HDAC9: variants seen among roughly 807,000 people sequenced by gnomAD.
The protein encoded by HDAC9 is histone deacetylase 9.
Under a neutral mutation model 139.4 loss-of-function variants are expected in HDAC9, and 41 were observed. That is an observed-to-expected ratio of 0.29 (90% CI 0.23 to 0.38). The LOEUF is 0.38. Among genes scored for constraint, HDAC9 ranks in the 10% least tolerant of loss-of-function variants. The probability of loss-of-function intolerance (pLI) is 1.00; values close to 1 mark genes in which losing one functional copy is unlikely to be tolerated. For missense variants in HDAC9, 1,147 were observed against 1,297.0 expected, an observed-to-expected ratio of 0.88 and a Z score of 1.78; for synonymous variants, 517 against 476.2, an observed-to-expected ratio of 1.09 and a Z score of -1.12.
intron 2 of HDAC9, among the ~76,000 whole-genome samples, chr7:18,575,327 C>A (rs993454453): frequency 2.4e-4 from 37 of 152,206 alleles, no homozygotes; most frequent in African/African-American, 8.9e-4. Context: ...TAATTTTTAT[C>A]TTTAAAATGG....
At chr7:18,875,876 C>A (rs1186791685) in intron 22 of HDAC9, among the ~76,000 whole-genome samples, 1 of 152,108 alleles carries the variant, frequency 6.6e-6, no homozygotes, top group Non-Finnish European at 1.5e-5. Context: ...AGAGTTTGTA[C>A]ATCAAGTTGA....
In HDAC9 at chr7:18,709,338, C is replaced by A. The variant is rs561526414; in HGVS notation, c.1732-18242C>A. 5.3e-5 allele frequency among the ~76,000 whole-genome samples: 8 copies of A among 152,218 alleles called. 1 individual carries two copies. The highest frequency in any genetic ancestry group is 1.9e-4 in the African/African-American group (8 of 41,526). ...TGTGTTAGTTTGCTGAGGAGGATGG[C>A]TTCTAGCTTCATCCATGTCCCTGAA... On this transcript the variant is annotated intron_variant, in intron 12 of 25. Transcript: ENST00000686413.
At chr7:18,583,683 G>T (rs1490684449) in intron 2 of HDAC9, among the ~76,000 whole-genome samples, 1 of 152,140 alleles carries the variant, frequency 6.6e-6, no homozygotes, top group African/African-American at 2.4e-5. Flanking sequence ...GAGCCAGGAA[G>T]TTCTAGACTG....
At chr7:18,362,518 T>C (rs548425371) in intron 1 of HDAC9, among the ~76,000 whole-genome samples, 2 of 152,258 alleles carry the variant, frequency 1.3e-5, no homozygotes, top group South Asian at 4.1e-4. Context: ...AGGTATATGG[T>C]ATACAGTTCT....
chr7:18,417,103 C>A (rs1789144194), intron 1 of HDAC9, among the ~76,000 whole-genome samples: 1 of 152,114 alleles, frequency 6.6e-6, no homozygotes, highest in Non-Finnish European at 1.5e-5. Context: ...TATCCCAGGG[C>A]CCACTGACTT....
chr7:18,495,775 G>A lies in HDAC9; in HGVS notation c.-290G>A. ...AAGAGAGGCACAGACACAGATAGGA[G>A]AAGGGCACCGGCTGGAGCCACTTGC... is the stretch of plus-strand genomic sequence containing the variant. On this transcript the variant is annotated 5_prime_UTR_variant, in exon 1 of 26. Coordinates refer to ENST00000686413, the MANE Select transcript of HDAC9 (RefSeq NM_178425.4). 2 of 995,812 alleles carry A rather than the reference G, an allele frequency of 2.0e-6. No homozygotes were observed. Among genetic ancestry groups the A allele is most frequent in the South Asian group, 9.3e-5 (2 of 21,600 alleles). 61.7% of individuals were successfully genotyped at this position (995,812 alleles called of 1,614,324 possible).
At chr7:18,661,816 T>C (rs1450111608) in intron 11 of HDAC9, among the ~76,000 whole-genome samples, 1 of 152,106 alleles carries the variant, frequency 6.6e-6, no homozygotes, top group East Asian at 1.9e-4. Flanking sequence ...GAAGTGTAGA[T>C]GAAGCCAAAG....
intron 11 of HDAC9, among the ~76,000 whole-genome samples, chr7:18,659,592 G>C (rs771832911): frequency 2.6e-5 from 4 of 152,142 alleles, no homozygotes; most frequent in Non-Finnish European, 4.4e-5. Context: ...GGCATGCTTA[G>C]TGTTCGGCCC....
intron 1 of HDAC9, among the ~76,000 whole-genome samples, chr7:18,454,458 A>G (rs1013360146): frequency 7.9e-5 from 12 of 152,038 alleles, no homozygotes; most frequent in Non-Finnish European, 1.5e-4. Context: ...CAGAAAATTT[A>G]AACAAGTTAC....
In HDAC9 at chr7:18,738,757, G is replaced by A. The variant is rs1468836371; in HGVS notation, c.1910-10248G>A. On this transcript the variant is annotated intron_variant, in intron 13 of 25. Coordinates refer to ENST00000686413, the MANE Select transcript of HDAC9 (RefSeq NM_178425.4). ...TGTGTCTTGGGGTTGCACTTCTTGA[G>A]GAATATCTTTGTGGTGTTCTCTGTA... Among the ~76,000 whole-genome samples the A allele has an allele frequency of 2.0e-5, 3 of 152,114 alleles. No homozygotes were observed. The East Asian group carries it at 5.8e-4, about 29-fold the overall frequency.
intron 2 of HDAC9, among the ~76,000 whole-genome samples, chr7:18,250,584 A>G (rs1471030322): frequency 6.6e-6 from 1 of 152,330 alleles, no homozygotes; most frequent in African/African-American, 2.4e-5. Flanking sequence ...CACTTAGCTG[A>G]GAGCCTTACA....
intron 1 of HDAC9, among the ~76,000 whole-genome samples, chr7:18,138,446 T>A (rs1785614271): frequency 6.6e-6 from 1 of 150,662 alleles, no homozygotes; most frequent in African/African-American, 2.4e-5. Context: ...ATGGAGGGAG[T>A]GTGGAATAGA....
At chr7:18,778,078 G>C (rs1277938338) in intron 16 of HDAC9, among the ~76,000 whole-genome samples, 2 of 151,840 alleles carry the variant, frequency 1.3e-5, no homozygotes. Flanking sequence ...AGCAGAGAGG[G>C]CCTGATTCCC....
intron 1 of HDAC9, among the ~76,000 whole-genome samples, chr7:18,306,528 G>T (rs536276403): frequency 7.9e-5 from 12 of 152,134 alleles, no homozygotes; most frequent in Admixed American, 1.3e-4. Context: ...GTTTAATTAA[G>T]ACTGAGTAAT....
rs376212513 is a variant in HDAC9, at chr7:18,685,277, A to G, written c.1731+18801A>G. 4.4e-4 allele frequency among the ~76,000 whole-genome samples: 67 copies of G among 151,540 alleles called. No individual in the cohort carries two copies. In the South Asian group the frequency reaches 5.2e-3, roughly 12 times the overall value. Reference sequence around the variant, plus strand: ...ATCCATTGTGTGTTCTAACTATATCACTCCCTTTTCCACTTACCCATGGGA... The same window carrying G: ...ATCCATTGTGTGTTCTAACTATATCGCTCCCTTTTCCACTTACCCATGGGA... On this transcript the variant is annotated intron_variant, in intron 12 of 25. Coordinates refer to ENST00000686413, the MANE Select transcript of HDAC9 (RefSeq NM_178425.4).
chr7:18,575,650 T>C (rs1221869850), intron 2 of HDAC9, among the ~76,000 whole-genome samples: 1 of 152,242 alleles, frequency 6.6e-6, no homozygotes. Context: ...ACTTACGCAG[T>C]GTTGCCAGAA....
At chr7:18,886,531 G>A (rs1320682817) in intron 22 of HDAC9, among the ~76,000 whole-genome samples, 3 of 152,068 alleles carry the variant, frequency 2.0e-5, no homozygotes, top group Non-Finnish European at 2.9e-5. Context: ...TGAGATTGAG[G>A]CTGTTTTTTT....
At chr7:18,896,458 A>C (rs1351537104) in intron 22 of HDAC9, among the ~76,000 whole-genome samples, 3 of 152,112 alleles carry the variant, frequency 2.0e-5, no homozygotes, top group African/African-American at 7.2e-5. Flanking sequence ...AATGTCTGGC[A>C]CCACATAACT....
At chr7:18,737,679 T>C (rs1787053183) in intron 13 of HDAC9, among the ~76,000 whole-genome samples, 1 of 152,178 alleles carries the variant, frequency 6.6e-6, no homozygotes, top group South Asian at 2.1e-4. Flanking sequence ...TTATTCCCTA[T>C]GATGTGGTCA....
Sources: allele counts gnomAD v4.1 joint callset (sites outside exome capture counted in the v4.1 genomes callset), GRCh38; gene constraint gnomAD v4.1.1; transcripts MANE v1.5; gene names NCBI Gene and HGNC (gene_info 2026-07-23, HGNC 2026-07-21).